Variants in GXYLT2 observed in about 807,000 individuals in gnomAD.
GXYLT2 encodes glycosyltransferase 8 domain containing 4.
GXYLT2 carries 53 observed loss-of-function variants against 45.8 expected under a neutral mutation model. The observed-to-expected ratio is 1.16, with a 90% CI of 0.93 to 1.46. The LOEUF is 1.46. Ranked by LOEUF, GXYLT2 falls within the 40% of genes most tolerant of loss-of-function variation. The probability of loss-of-function intolerance (pLI) is 0.00; values close to 1 mark genes in which losing one functional copy is unlikely to be tolerated. For missense variants in GXYLT2, 551 were observed against 544.4 expected (o/e 1.01, Z -0.12); for synonymous variants, 219 against 214.2 (o/e 1.02, Z -0.19).
intron 3 of GXYLT2, among the ~76,000 whole-genome samples, chr3:72,954,312 T>C (rs1383837358): frequency 6.6e-6 from 1 of 151,440 alleles, no homozygotes; most frequent in Non-Finnish European, 1.5e-5. Context: ...TTCAACATGT[T>C]GGCCAGGATG....
At chr3:72,905,310 G>C (rs1470972768) in intron 1 of GXYLT2, among the ~76,000 whole-genome samples, 1 of 152,004 alleles carries the variant, frequency 6.6e-6, no homozygotes, top group African/African-American at 2.4e-5. Flanking sequence ...TAGAGACGAG[G>C]TTTCATCATG....
chr3:72,892,875 CCCCTCGATCACCCTCCA>C (rs1209337874), intron 1 of GXYLT2, among the ~76,000 whole-genome samples: 1 of 152,132 alleles, frequency 6.6e-6, no homozygotes, highest in Non-Finnish European at 1.5e-5. Context: ...GTCCATGAAT[CCCCTCGATCACCCTCCA>C]CACCTACTCA....
intron 5 of GXYLT2, among the ~76,000 whole-genome samples, chr3:72,958,991 G>A (rs1710709527): frequency 6.8e-6 from 1 of 147,388 alleles, no homozygotes; most frequent in African/African-American, 2.5e-5. Flanking sequence ...CTTGCAGGCT[G>A]GTGTGCAGTG....
chr3:72,960,069 C>G (rs1242445865), intron 5 of GXYLT2, among the ~76,000 whole-genome samples: 1 of 152,200 alleles, frequency 6.6e-6, no homozygotes, highest in Non-Finnish European at 1.5e-5. Flanking sequence ...CCTCAGCCTC[C>G]CGAGCAGCTG....
chr3:72,949,535 T>C (rs1161639054), intron 3 of GXYLT2, among the ~76,000 whole-genome samples: 50 of 100,692 alleles, frequency 5.0e-4, no homozygotes, highest in African/African-American at 1.9e-3. Flanking sequence ...TTTTTTGAGA[T>C]GGAGTCTTGC....
intron 5 of GXYLT2, among the ~76,000 whole-genome samples, chr3:72,958,541 A>G (rs1369992179): frequency 6.6e-6 from 1 of 152,140 alleles, no homozygotes; most frequent in African/African-American, 2.4e-5. Flanking sequence ...GAAAAGAAAA[A>G]AAAGCAGGTT....
chr3:72,976,859 A>G lies in GXYLT2; in HGVS notation c.*1700A>G, dbSNP rs1008177237. ...CTGTAAGACATACAGTCTGTGTAAGATGTATCTTATTTACAGAGACATTTT... is the reference window on the plus strand; with the variant it reads ...CTGTAAGACATACAGTCTGTGTAAGGTGTATCTTATTTACAGAGACATTTT... On this transcript the variant is annotated 3_prime_UTR_variant, in exon 7 of 7. Transcript: ENST00000389617. 1.3e-5 allele frequency: 2 copies of G among 152,190 alleles called. No homozygotes were observed. Among genetic ancestry groups the G allele is most frequent in the African/African-American group, 4.8e-5 (2 of 41,442 alleles). 9.4% of individuals were successfully genotyped at this position (152,190 alleles called of 1,614,324 possible).
At chr3:72,914,553 G>GCGCACA (rs1305229309) in intron 2 of GXYLT2, among the ~76,000 whole-genome samples, 1 of 151,504 alleles carries the variant, frequency 6.6e-6, no homozygotes, top group African/African-American at 2.4e-5. Flanking sequence ...GTGTGCGCGC[G>GCGCACA]CGCGCTTGCG....
At position 72,975,614 on chromosome 3, in the gene GXYLT2, G is replaced by A. The variant is rs955958271; in HGVS notation, c.*455G>A. On this transcript the variant is annotated 3_prime_UTR_variant, in exon 7 of 7. Transcript: ENST00000389617. ...CACTTGTAGAGCATATGGGTCAAGG[G>A]CTCAACATCAAGATTAGATTAGCCA... 6.5e-6 allele frequency: 1 copy of A among 153,278 alleles called. No individual in the cohort carries two copies. The highest frequency in any genetic ancestry group is 2.4e-5 in the African/African-American group (1 of 41,478). 9.5% of individuals were successfully genotyped at this position (153,278 alleles called of 1,614,324 possible).
intron 4 of GXYLT2, among the ~76,000 whole-genome samples, chr3:72,956,364 T>C (rs1559748764): frequency 6.6e-6 from 1 of 152,196 alleles, no homozygotes; most frequent in Non-Finnish European, 1.5e-5. Flanking sequence ...TATTTTTACT[T>C]TTTTATTTTA....
chr3:72,954,625 G>C (rs1263340989), intron 3 of GXYLT2, among the ~76,000 whole-genome samples: 2 of 136,672 alleles, frequency 1.5e-5, no homozygotes, highest in Non-Finnish European at 3.1e-5. Context: ...GACAGAGTGA[G>C]ACTCCATCTC....
rs556124890 is a variant in GXYLT2, at chr3:72,943,623, T to C, written c.601-11475T>C. ...AACTCCTGGCCTCAAGTGATCCTCC[T>C]GCCTTGGCCTCCCAAAGTGCTGGGA... On this transcript the variant is annotated intron_variant, in intron 3 of 6. Coordinates refer to ENST00000389617, the MANE Select transcript of GXYLT2 (RefSeq NM_001080393.2). Among the ~76,000 whole-genome samples the C allele has an allele frequency of 5.1e-3, 773 of 152,162 alleles. 3 individuals carry two copies. Among genetic ancestry groups the C allele is most frequent in the African/African-American group, 0.018 (751 of 41,546 alleles).
intron 5 of GXYLT2, among the ~76,000 whole-genome samples, chr3:72,958,670 C>T (rs1359859189): frequency 7.5e-6 from 1 of 134,056 alleles, no homozygotes; most frequent in African/African-American, 2.8e-5. Flanking sequence ...CTGGCTCTGT[C>T]GCCCAGGCTG....
chr3:72,966,929 T>C (rs1710877146), intron 5 of GXYLT2, among the ~76,000 whole-genome samples: 1 of 152,054 alleles, frequency 6.6e-6, no homozygotes, highest in African/African-American at 2.4e-5. Flanking sequence ...CTGGCCCAGC[T>C]GCTAATTTTT....
In GXYLT2 at chr3:72,975,368, G is replaced by GCA; in HGVS notation, c.*209_*210insCA. 6.4e-6 allele frequency: 2 copies of GCA among 314,908 alleles called. No homozygotes were observed. The highest frequency in any genetic ancestry group is 4.1e-5 in the East Asian group (1 of 24,474). 19.5% of individuals were successfully genotyped at this position (314,908 alleles called of 1,614,324 possible). On this transcript the variant is annotated 3_prime_UTR_variant, in exon 7 of 7. Transcript: ENST00000389617. ...TTTCTAAAATGCTATTTATCTCTAA[G>GCA]GAAAAAAAAAAAAGACTATTACTCA...
At chr3:72,940,776 A>T (rs13074542) in intron 3 of GXYLT2, among the ~76,000 whole-genome samples, 2 of 151,936 alleles carry the variant, frequency 1.3e-5, no homozygotes, top group Non-Finnish European at 2.9e-5. Context: ...CCACCTCCTG[A>T]GCTCAGAGGA....
At chr3:72,969,099 A>C (rs1282310916) in intron 6 of GXYLT2, among the ~76,000 whole-genome samples, 1 of 151,854 alleles carries the variant, frequency 6.6e-6, no homozygotes, top group Non-Finnish European at 1.5e-5. Flanking sequence ...TTGCCTCTTT[A>C]TGGACTCGTG....
At chr3:72,954,906 T>C (rs4455270) in intron 3 of GXYLT2, among the ~76,000 whole-genome samples, 192 bp from the exon 4 acceptor site, 94,114 of 152,022 alleles carry the variant, frequency 0.62, 29,712 homozygotes, top group South Asian at 0.74. Flanking sequence ...ACCTCTTGAT[T>C]GACACTCATT....
intron 1 of GXYLT2, among the ~76,000 whole-genome samples, chr3:72,906,859 A>C (rs1048866965): frequency 1.3e-5 from 2 of 152,204 alleles, no homozygotes; most frequent in South Asian, 4.1e-4. Flanking sequence ...GTTGTGAGAG[A>C]TACAAGTAGG....
Sources: allele counts gnomAD v4.1 joint callset (sites outside exome capture counted in the v4.1 genomes callset), GRCh38; gene constraint gnomAD v4.1.1; transcripts MANE v1.5; gene names NCBI Gene and HGNC (gene_info 2026-07-23, HGNC 2026-07-21).